The following ESR2 variants were observed in gnomAD, a reference collection of about 807,000 sequenced individuals.
ESR2 encodes the protein estrogen receptor 2.
In ESR2, 36 loss-of-function variants were observed where a neutral mutation model predicts 49.6. The ratio of observed to expected loss-of-function variants is 0.73; its 90% CI spans 0.56 to 0.96. ESR2 has a LOEUF of 0.96. ESR2 is among the 40% of genes least tolerant of loss of function. ESR2 has a pLI of 0.00. For synonymous variants in ESR2, 320 were observed against 266.1 expected (o/e 1.20, Z -1.97); for missense variants, 714 against 693.0 (o/e 1.03, Z -0.34).
chr14:64,238,356 T>TG (rs775469313), intron 7 of ESR2, among the ~76,000 whole-genome samples: 2 of 151,022 alleles, frequency 1.3e-5, no homozygotes, highest in Admixed American at 1.3e-4. Context: ...TATGGTGGGG[T>TG]AGGGGGGCAG....
chr14:64,282,926 T>C lies in ESR2; in HGVS notation c.60A>G (p.Gln20=), dbSNP rs371185098. 46 of 1,614,074 alleles carry C rather than the reference T, an allele frequency of 2.8e-5. No homozygotes were observed. Among genetic ancestry groups the C allele is most frequent in the South Asian group, 9.9e-5 (9 of 91,078 alleles). ...AGCCGTGCTCCAGGGGTAAGATGGA[T>C]TGACTGCAGTTGTAGGAGGAAGGAG... ...LNSPSSYNCS[Q]SILPLEHGSI... is the part of the protein sequence containing the mutation. Residue 20 remains glutamine, a synonymous_variant, in exon 2 of 9, where the codon CAA becomes CAG. Transcript: ENST00000341099.
intron 1 of ESR2, among the ~76,000 whole-genome samples, chr14:64,319,470 T>C (rs915343270): frequency 1.3e-5 from 2 of 151,812 alleles, no homozygotes; most frequent in African/African-American, 4.8e-5. Context: ...TAGAGACTAT[T>C]AAGAAAATAA....
Position 64,260,433 on chromosome 14 carries a change from A to G in ESR2, c.952+16T>C. 6.6e-7 allele frequency: 1 copy of G among 1,522,594 alleles called. No individual in the cohort carries two copies. The highest frequency in any genetic ancestry group is 8.8e-7 in the Non-Finnish European group (1 of 1,136,582). The allele number at this position is 1,522,594 out of a possible 1,614,324, so 94.3% of individuals were successfully genotyped here. A position where few individuals can be genotyped will look rare whatever the true frequency, so the allele number is the denominator to read the frequency against. ...TTCTACAAGTACATGGAAAACTGAT[A>G]GCCAGAAAGCCCTACCGGGAATCTT... On this transcript the variant is annotated intron_variant, in intron 5 of 8. Transcript: ENST00000341099.
chr14:64,319,393 A>C (rs961775056), intron 1 of ESR2, among the ~76,000 whole-genome samples: 1 of 152,104 alleles, frequency 6.6e-6, no homozygotes, highest in East Asian at 1.9e-4. Context: ...ACAATAGAAA[A>C]GCAAGATTCA....
At chr14:64,337,017 G>A (rs1206521829) in intron 1 of ESR2, among the ~76,000 whole-genome samples, 1 of 151,852 alleles carries the variant, frequency 6.6e-6, no homozygotes, top group Admixed American at 6.6e-5. Flanking sequence ...CTCCCCACCA[G>A]AAGATGAGCT....
At chr14:64,329,067 TAAAG>T (rs1038257490) in intron 1 of ESR2, among the ~76,000 whole-genome samples, 7 of 152,228 alleles carry the variant, frequency 4.6e-5, no homozygotes, top group African/African-American at 1.7e-4. Flanking sequence ...TGGAAGTAAA[TAAAG>T]AAATTTGAGA....
In ESR2 at chr14:64,228,979, G is replaced by A. The variant is rs2098724814; in HGVS notation, c.*4158C>T. 6.6e-6 allele frequency among the ~76,000 whole-genome samples: 1 copy of A among 152,166 alleles called. No homozygotes were observed. The highest frequency in any genetic ancestry group is 1.5e-5 in the Non-Finnish European group (1 of 68,022). On this transcript the variant is annotated 3_prime_UTR_variant, in exon 9 of 9. Coordinates refer to ENST00000341099, the MANE Select transcript of ESR2 (RefSeq NM_001437.3). ...ACTGTAGTATATCACACTCCACAGGGAAGCAGCAGTGCCTAAAAGATGTGA... is the reference window on the plus strand; with the variant it reads ...ACTGTAGTATATCACACTCCACAGGAAAGCAGCAGTGCCTAAAAGATGTGA...
chr14:64,336,332 T>C (rs1348926785), intron 1 of ESR2: 1 of 152,210 alleles, frequency 6.6e-6, no homozygotes, highest in Non-Finnish European at 1.5e-5. Context: ...TTTACACTTC[T>C]ACAAAAAGGA....
intron 1 of ESR2, chr14:64,336,020 T>C (rs2077527469): frequency 6.9e-6 from 1 of 145,926 alleles, no homozygotes; most frequent in Non-Finnish European, 1.5e-5. Flanking sequence ...TGTGTGTGTG[T>C]GTGTATTTTT....
chr14:64,239,295 C>T (rs2075671488), intron 7 of ESR2, among the ~76,000 whole-genome samples: 1 of 152,178 alleles, frequency 6.6e-6, no homozygotes, highest in Non-Finnish European at 1.5e-5. Flanking sequence ...CATCAGCATC[C>T]ATCTATGTCT....
chr14:64,260,526 G>A lies in ESR2; in HGVS notation c.875C>T (p.Ala292Val), dbSNP rs1261132637. The A allele has an allele frequency of 2.6e-6, 4 of 1,558,634 alleles. No individual in the cohort carries two copies. The African/African-American group carries it at 4.1e-5, about 16-fold the overall frequency. ...CTTGGTCAGGGACATCATCATGGAG[G>A]CCTCGGTGAAGGGCGCACTGGGGCG... ...ISRPSAPFTE[A>V]SMMMSLTKLA... Residue 292 changes from alanine (A) to valine (V), a missense_variant, in exon 5 of 9, where the codon GCC (alanine) becomes GTC (valine). Transcript: ENST00000341099.
upstream of ESR2, among the ~76,000 whole-genome samples, chr14:64,299,399 CTTTTTT>C (rs541707521): frequency 8.0e-6 from 1 of 125,652 alleles, no homozygotes. Context: ...ACAGAAATAG[CTTTTTT>C]TTTTTTTTTT....
In ESR2 at chr14:64,303,273, G is replaced by A. The variant is rs117214245; in HGVS notation, c.-90-20198C>T. ...CAAACAACCCAGGGCACTGATAGAAGTGAACACTTCTTGGCTGTTCTCTTG... is the reference window on the plus strand; with the variant it reads ...CAAACAACCCAGGGCACTGATAGAAATGAACACTTCTTGGCTGTTCTCTTG... On this transcript the variant is annotated intron_variant, in intron 1 of 8. Coordinates refer to the ESR2 transcript ENST00000358599. Among the ~76,000 whole-genome samples, 75 of 152,176 alleles carry A rather than the reference G, an allele frequency of 4.9e-4. No homozygotes were observed. In the East Asian group the frequency reaches 0.014, roughly 29 times the overall value.
rs368198978 is a variant in ESR2, at chr14:64,280,182, C to T, written c.363-29G>A. 1.6e-5 allele frequency: 25 copies of T among 1,584,030 alleles called. No homozygotes were observed. The East Asian group carries it at 4.0e-4, about 26-fold the overall frequency. On this transcript the variant is annotated intron_variant, in intron 2 of 8. Coordinates refer to ENST00000341099, the MANE Select transcript of ESR2 (RefSeq NM_001437.3). ...GGGAGCAAAGAAAATATCCATTGAA[C>T]AGAGCATAAAAGGGAAAGGAAGGGC...
intron 1 of ESR2, among the ~76,000 whole-genome samples, chr14:64,326,768 C>T (rs759918959): frequency 1.3e-5 from 2 of 152,230 alleles, no homozygotes; most frequent in Non-Finnish European, 2.9e-5. Flanking sequence ...GTAACATGAT[C>T]TCAGCTTTCA....
chr14:64,265,088 G>A (rs2076301567), intron 4 of ESR2, among the ~76,000 whole-genome samples: 1 of 152,068 alleles, frequency 6.6e-6, no homozygotes, highest in Non-Finnish European at 1.5e-5. Context: ...GTGAATTCTG[G>A]GGGTTCTAGA....
rs149353401 is a variant in ESR2 at position 64,233,207 on chromosome 14, G to A, written c.1523C>T (p.Thr508Met). The A allele has an allele frequency of 1.7e-5, 27 of 1,614,046 alleles. No individual in the cohort carries two copies. The highest frequency in any genetic ancestry group is 4.0e-5 in the African/African-American group (3 of 74,894). The change falls in exon 9 of 9, where the codon ACG (threonine) becomes ATG (methionine). Residue 508 changes from threonine (T) to methionine (M), a missense_variant. Thr to Met is a moderately conservative substitution (Grantham distance 81). Transcript: ENST00000341099. ...HVLRGCKSSI[T>M]GSECSPAEDS... ...CTCTGCCGGGCTGCACTCGGACCCC[G>A]TGATGGAGGACTTGCACCCGCGAAG... is the stretch of plus-strand genomic sequence containing the variant.
chr14:64,312,579 C>T (rs1248996905), intron 1 of ESR2, among the ~76,000 whole-genome samples: 5 of 152,146 alleles, frequency 3.3e-5, no homozygotes, highest in African/African-American at 1.2e-4. Context: ...TGAGTTAGGT[C>T]AGAGGCACAT....
chr14:64,322,836 C>A (rs1054915293), intron 1 of ESR2, among the ~76,000 whole-genome samples: 2 of 152,116 alleles, frequency 1.3e-5, no homozygotes, highest in Admixed American at 6.5e-5. Context: ...TTGAAAGATA[C>A]TTATTTTCAC....
Sources: allele counts gnomAD v4.1 joint callset (sites outside exome capture counted in the v4.1 genomes callset), GRCh38; gene constraint gnomAD v4.1.1; transcripts MANE v1.5; gene names NCBI Gene and HGNC (gene_info 2026-07-23, HGNC 2026-07-21).